The following CCR9 variants were observed in gnomAD, a reference collection of about 807,000 sequenced individuals.
CCR9 encodes the protein C-C motif chemokine receptor 9.
In CCR9, 4 loss-of-function variants were observed where a neutral mutation model predicts 8.7. That is an observed-to-expected ratio of 0.46 (90% confidence interval 0.23 to 1.06). The LOEUF (loss-of-function observed/expected upper bound fraction) is 1.06. Among genes scored for constraint, CCR9 ranks in the 50% least tolerant of loss-of-function variants. CCR9 has a pLI of 0.21. For synonymous variants in CCR9, 159 were observed against 168.8 expected (o/e 0.94, Z 0.45); for missense variants, 394 against 453.6 (o/e 0.87, Z 1.19).
At chr3:45,890,266 T>TATATATTTATATAAATATATAA (rs1575293512) in intron 1 of CCR9, among the ~76,000 whole-genome samples, 1 of 674 alleles carries the variant, frequency 1.5e-3, no homozygotes, top group East Asian at 0.1. Flanking sequence ...GAAATATATA[T>TATATATTTATATAAATATATAA]ATAACATATA....
At chr3:45,894,462 C>T (rs559472351) in intron 1 of CCR9, among the ~76,000 whole-genome samples, 2 of 152,264 alleles carry the variant, frequency 1.3e-5, no homozygotes, top group East Asian at 1.9e-4. Context: ...CTGTTAGCTT[C>T]GGTGAGTCCC....
chr3:45,894,142 G>A (rs1007988622), intron 1 of CCR9, among the ~76,000 whole-genome samples: 5 of 152,168 alleles, frequency 3.3e-5, no homozygotes, highest in Non-Finnish European at 7.3e-5. Context: ...GTTATGTAGG[G>A]GTGGGCTTTA....
At chr3:45,887,112 C>T (rs1702003708) in intron 1 of CCR9, among the ~76,000 whole-genome samples, 1 of 152,186 alleles carries the variant, frequency 6.6e-6, no homozygotes, top group Non-Finnish European at 1.5e-5. Flanking sequence ...CAATGGAATA[C>T]ACAGCAGCCA....
At chr3:45,891,643 C>T (rs1702183082) in intron 1 of CCR9, among the ~76,000 whole-genome samples, 1 of 152,150 alleles carries the variant, frequency 6.6e-6, no homozygotes, top group African/African-American at 2.4e-5. Context: ...ATCGAATTCA[C>T]AGCACCTATT....
At chr3:45,893,521 G>A (rs1241854664) in intron 1 of CCR9, among the ~76,000 whole-genome samples, 1 of 152,138 alleles carries the variant, frequency 6.6e-6, no homozygotes, top group Non-Finnish European at 1.5e-5. Flanking sequence ...GTATAGATTA[G>A]TTTGCATTAT....
intron 2 of CCR9, chr3:45,895,217 A>G (rs1025722230): frequency 3.4e-5 from 18 of 532,490 alleles, no homozygotes; most frequent in Middle Eastern, 9.9e-4. Flanking sequence ...ATTTTTAACC[A>G]TCTTTAACTA....
rs1235889741 is a variant in CCR9 at position 45,901,247 on chromosome 3, A to G, written c.459A>G (p.Arg153=). The G allele has an allele frequency of 6.2e-7, 1 of 1,614,182 alleles. No individual in the cohort carries two copies. Among genetic ancestry groups the G allele is most frequent in the African/African-American group, 1.3e-5 (1 of 75,030 alleles). The stretch of plus-strand genomic sequence containing the variant: ...ACATTGCCATTGCCCAGGCCATGAG[A>G]GCACATACTTGGAGGGAGAAAAGGC... ...DRYIAIAQAM[R]AHTWREKRLL... The change falls in exon 3 of 3, where the codon AGA becomes AGG. Residue 153 remains arginine (R), a synonymous_variant. Transcript: ENST00000357632. This position sits in a 1 kb window ranked among gnomAD's most constrained non-coding sequence, Gnocchi z 4.3.
intron 1 of CCR9, among the ~76,000 whole-genome samples, chr3:45,888,637 G>A (rs186714919): frequency 1.3e-5 from 2 of 152,272 alleles, no homozygotes; most frequent in Admixed American, 1.3e-4. Flanking sequence ...ATCCACTCCC[G>A]ACAGACCGCT....
intron 2 of CCR9, among the ~76,000 whole-genome samples, chr3:45,896,280 T>A (rs1702353001): frequency 6.6e-6 from 1 of 152,318 alleles, no homozygotes; most frequent in South Asian, 2.1e-4. Context: ...GGATCTTGGA[T>A]AATAGCCAAC....
At chr3:45,890,489 GC>G (rs1460510096) in intron 1 of CCR9, among the ~76,000 whole-genome samples, 1 of 147,920 alleles carries the variant, frequency 6.8e-6, no homozygotes, top group African/African-American at 2.5e-5. Context: ...TTCATCTGGG[GC>G]AAAAAAAAGA....
intron 1 of CCR9, among the ~76,000 whole-genome samples, chr3:45,892,107 C>A (rs1433052120): frequency 6.6e-6 from 1 of 152,088 alleles, no homozygotes; most frequent in Non-Finnish European, 1.5e-5. Context: ...GCACTAGGTG[C>A]TAATTATGCT....
rs1194643185 is a variant in CCR9, at chr3:45,890,313, ATATT to A, written c.-29+3662_-29+3665del. Among the ~76,000 whole-genome samples the A allele has an allele frequency of 6.5e-5, 4 of 62,014 alleles. 2 individuals are homozygous for A. The highest frequency in any genetic ancestry group is 1.8e-4 in the African/African-American group (2 of 11,408). 40.7% of individuals were successfully genotyped at this position (62,014 alleles called of 152,430 possible). ...ATAAATATATATATAACATATATAT[ATATT>A]TATATAAATATATATATAACATATA... On this transcript the variant is annotated intron_variant, in intron 1 of 2. Coordinates refer to ENST00000357632, the MANE Select transcript of CCR9 (RefSeq NM_031200.3).
chr3:45,901,129 T>C lies in CCR9; in HGVS notation c.341T>C (p.Phe114Ser). ...WAIAAADQWK[F>S]QTFMCKVVNS... ...ATTGCTGCTGCTGACCAGTGGAAGTTCCAGACCTTCATGTGCAAGGTGGTC... is the reference window on the plus strand; with the variant it reads ...ATTGCTGCTGCTGACCAGTGGAAGTCCCAGACCTTCATGTGCAAGGTGGTC... Residue 114 changes from phenylalanine (F) to serine (S), a missense_variant, in exon 3 of 3, where the codon TTC (phenylalanine) becomes TCC (serine). Physicochemically the swap from Phe to Ser is radical, Grantham distance 155. Transcript: ENST00000357632. The surrounding 1 kb of genome is among the most constrained non-coding windows in gnomAD (Gnocchi z 4.3). 6.2e-7 allele frequency: 1 copy of C among 1,614,184 alleles called. No individual in the cohort carries two copies. The highest frequency in any genetic ancestry group is 8.5e-7 in the Non-Finnish European group (1 of 1,180,026).
In CCR9 at chr3:45,900,965, C is replaced by A; in HGVS notation, c.177C>A (p.Phe59Leu). The A allele has an allele frequency of 6.2e-7, 1 of 1,614,188 alleles. No homozygotes were observed. The highest frequency in any genetic ancestry group is 8.5e-7 in the Non-Finnish European group (1 of 1,180,030). ...HFLPPLYWLV[F>L]IVGALGNSLV... is the part of the protein sequence containing the mutation. ...TCCCACCCTTGTACTGGCTCGTGTT[C>A]ATCGTGGGTGCCTTGGGCAACAGTC... The change falls in exon 3 of 3, where the codon TTC becomes TTA. Residue 59 changes from phenylalanine to leucine, a missense_variant. Physicochemically the swap from Phe to Leu is conservative, Grantham distance 22 (BLOSUM62 0). Transcript: ENST00000357632. The surrounding 1 kb of genome is among the most constrained non-coding windows in gnomAD (Gnocchi z 4.7).
At chr3:45,890,279 T>TATAAATATATATAAC (rs1553616516) in intron 1 of CCR9, among the ~76,000 whole-genome samples, 3 of 75,770 alleles carry the variant, frequency 4.0e-5, no homozygotes, top group African/African-American at 6.0e-5. Context: ...AACATATATA[T>TATAAATATATATAAC]ATATTTATAT....
chr3:45,898,383 C>T (rs1702437448), intron 2 of CCR9, among the ~76,000 whole-genome samples: 5 of 152,192 alleles, frequency 3.3e-5, no homozygotes, highest in African/African-American at 1.2e-4. Flanking sequence ...GGTTTCCAGA[C>T]AAGGGCCAAT....
upstream of CCR9, among the ~76,000 whole-genome samples, chr3:45,886,301 G>A (rs1247871693): frequency 6.6e-6 from 1 of 152,212 alleles, no homozygotes; most frequent in Non-Finnish European, 1.5e-5. Flanking sequence ...AAGCAGCTGT[G>A]CTGTCTAGGA....
chr3:45,896,688 T>C (rs962757473), intron 2 of CCR9, among the ~76,000 whole-genome samples: 2 of 152,186 alleles, frequency 1.3e-5, no homozygotes, highest in Non-Finnish European at 2.9e-5. Flanking sequence ...GTCTCAATGT[T>C]GGGATTTAAT....
Position 45,894,927 on chromosome 3 carries a change from A to AC in CCR9, c.-4dup. On this transcript the variant is annotated 5_prime_UTR_variant, in exon 2 of 3. Coordinates refer to ENST00000357632, the MANE Select transcript of CCR9 (RefSeq NM_031200.3). Reference sequence around the variant, plus strand: ...CCAGGAGCAGGCTTGCATCTGACTGACCCACCATGACACCCACAGACTTCA... The same window carrying AC: ...CCAGGAGCAGGCTTGCATCTGACTGACCCCACCATGACACCCACAGACTTCA... 1 of 1,614,002 alleles carries AC rather than the reference A, an allele frequency of 6.2e-7. No homozygotes were observed. The highest frequency in any genetic ancestry group is 1.1e-5 in the South Asian group (1 of 91,074).
Sources: gnomAD v4.1 joint callset for allele counts (sites outside exome capture counted in the v4.1 genomes callset) on GRCh38, gnomAD v4.1.1 for gene constraint, Gnocchi (gnomAD v3.1) non-coding constraint, MANE v1.5 for transcripts, NCBI Gene and HGNC (gene_info 2026-07-23, HGNC 2026-07-21) for gene names.